The following PCNX1 variants were observed in gnomAD, a reference collection of about 807,000 sequenced individuals.
PCNX1 encodes pecanex 1.
Under a neutral mutation model 242.2 loss-of-function variants are expected in PCNX1, and 78 were observed. That is an observed-to-expected ratio of 0.32 (90% confidence interval 0.27 to 0.39). PCNX1 has a LOEUF of 0.39. Ranked by LOEUF, PCNX1 falls within the 10% of genes least tolerant of loss-of-function variation. The probability of loss-of-function intolerance (pLI) is 1.00; values close to 1 mark genes in which losing one functional copy is unlikely to be tolerated. For synonymous variants in PCNX1, 1,024 were observed against 1,032.9 expected (o/e 0.99, Z 0.17); for missense variants, 2,581 against 2,856.5 (o/e 0.90, Z 2.20).
chr14:70,945,534 C>T (rs2057422224), intron 1 of PCNX1, among the ~76,000 whole-genome samples: 1 of 149,680 alleles, frequency 6.7e-6, no homozygotes. Context: ...TTATGTTTTT[C>T]CATCCTAATT....
At chr14:70,996,037 G>C (rs1049762390) in intron 8 of PCNX1, 112 bp downstream of exon 8, 5 of 792,036 alleles carry the variant, frequency 6.3e-6, no homozygotes, top group Admixed American at 4.1e-5. Flanking sequence ...ATGCATAGGA[G>C]CACTTTTTAC....
At chr14:71,086,634 T>A (rs1172042793) in intron 28 of PCNX1, among the ~76,000 whole-genome samples, 1 of 152,190 alleles carries the variant, frequency 6.6e-6, no homozygotes, top group Non-Finnish European at 1.5e-5. Flanking sequence ...TCCATTCGGA[T>A]GATTCTTTTC....
Position 71,076,438 on chromosome 14 carries a change from A to G in PCNX1, c.5337+19A>G. 6.7e-7 allele frequency: 1 copy of G among 1,485,788 alleles called. No individual in the cohort carries two copies. Among genetic ancestry groups the G allele is most frequent in the Non-Finnish European group, 9.4e-7 (1 of 1,065,712 alleles). The allele number at this position is 1,485,788 out of a possible 1,614,324, so 92.0% of individuals were successfully genotyped here. The stretch of plus-strand genomic sequence containing the variant: ...AGCAAAGGTAGAGTTTATTTCATTT[A>G]TAACTCTTTGAATCCAGGTTTTTCC... On this transcript the variant is annotated intron_variant, in intron 28 of 35. Coordinates refer to ENST00000304743, the MANE Select transcript of PCNX1 (RefSeq NM_014982.3).
Position 70,962,343 on chromosome 14 carries a change from C to T in PCNX1, c.468+12C>T, listed in dbSNP as rs201898482. On this transcript the variant is annotated intron_variant, in intron 3 of 35. Transcript: ENST00000304743. Reference sequence around the variant, plus strand: ...ATCCAAGCAACCAGGTAGGAACCTGCGCTGTTTTATTTTGCCTTTTTCCCT... The same window carrying T: ...ATCCAAGCAACCAGGTAGGAACCTGTGCTGTTTTATTTTGCCTTTTTCCCT... 7.8e-6 allele frequency: 12 copies of T among 1,531,812 alleles called. No individual in the cohort carries two copies. Among genetic ancestry groups the T allele is most frequent in the East Asian group, 6.7e-5 (3 of 44,462 alleles). 94.9% of individuals were successfully genotyped at this position (1,531,812 alleles called of 1,614,324 possible).
chr14:70,929,249 T>TC (rs56857664), intron 1 of PCNX1, among the ~76,000 whole-genome samples: 32 of 151,538 alleles, frequency 2.1e-4, no homozygotes, highest in African/African-American at 4.1e-4. Context: ...TTTTTTTTTT[T>TC]CCCCTCTTAC....
In PCNX1 at chr14:70,978,075, T is replaced by C. The variant is rs1229119014; in HGVS notation, c.1738T>C (p.Tyr580His). 6.2e-7 allele frequency: 1 copy of C among 1,614,126 alleles called. No homozygotes were observed. The highest frequency in any genetic ancestry group is 8.5e-7 in the Non-Finnish European group (1 of 1,180,022). Residue 580 changes from tyrosine (Y) to histidine (H), a missense_variant, in exon 6 of 36, where the codon TAT (tyrosine) becomes CAT (histidine). By Grantham distance (83) the Tyr-to-His change is moderately conservative. This residue lies in a region of PCNX1 where 1,204 missense variants were observed against 1,216.7 expected (regional missense o/e 0.99). Coordinates refer to ENST00000304743, the MANE Select transcript of PCNX1 (RefSeq NM_014982.3). Reference sequence around the variant, plus strand: ...TTTTGATTCAAGCCGGCATAGGGACTATGTTTGCTTTCGAGGTGTTTCTGG... The same window carrying C: ...TTTTGATTCAAGCCGGCATAGGGACCATGTTTGCTTTCGAGGTGTTTCTGG... ...SSFDSSRHRDYVCFRGVSGTK... is the reference protein window; with the variant it reads ...SSFDSSRHRDHVCFRGVSGTK...
intron 22 of PCNX1, among the ~76,000 whole-genome samples, chr14:71,050,031 TG>T (rs2060977663): frequency 6.6e-6 from 1 of 152,236 alleles, no homozygotes; most frequent in Non-Finnish European, 1.5e-5. Flanking sequence ...GTATTACAAA[TG>T]CTGTTTTTCA....
At position 70,914,440 on chromosome 14, in the gene PCNX1, G is replaced by T. The variant is rs74061482; in HGVS notation, c.153+6437G>T. On this transcript the variant is annotated intron_variant, in intron 1 of 35. Coordinates refer to ENST00000304743, the MANE Select transcript of PCNX1 (RefSeq NM_014982.3). ...ATTTATAAAATGTTCTGTCTTTTGTGACGTAAAGGTGGAGTGTTTTCTCCC... is the reference window on the plus strand; with the variant it reads ...ATTTATAAAATGTTCTGTCTTTTGTTACGTAAAGGTGGAGTGTTTTCTCCC... Among the ~76,000 whole-genome samples, 1,320 of 152,260 alleles carry T rather than the reference G, an allele frequency of 8.7e-3. 26 individuals carry two copies. Among genetic ancestry groups the T allele is most frequent in the African/African-American group, 0.03 (1,245 of 41,534 alleles).
At chr14:70,948,136 C>A (rs1414897723) in intron 2 of PCNX1, among the ~76,000 whole-genome samples, 1 of 152,154 alleles carries the variant, frequency 6.6e-6, no homozygotes, top group Non-Finnish European at 1.5e-5. Flanking sequence ...TCTAATTTCG[C>A]CCTGGCATTG....
intron 16 of PCNX1, among the ~76,000 whole-genome samples, chr14:71,029,652 A>G (rs536415169): frequency 6.6e-6 from 1 of 152,348 alleles, no homozygotes; most frequent in African/African-American, 2.4e-5. Context: ...ACAATTTTCC[A>G]GGAAGGTGAT....
rs748904120 is a variant in PCNX1 at position 70,977,579 on chromosome 14, G to A, written c.1242G>A (p.Leu414=). Residue 414 remains leucine (L), a synonymous_variant, in exon 6 of 36, where the codon CTG becomes CTA. Coordinates refer to ENST00000304743, the MANE Select transcript of PCNX1 (RefSeq NM_014982.3). Reference sequence around the variant, plus strand: ...GCTCAACTCACATAGAGAGCATCCTGTCAGAGCATGAGGAGTCTCCTAAAG... The same window carrying A: ...GCTCAACTCACATAGAGAGCATCCTATCAGAGCATGAGGAGTCTCCTAAAG... ...QTSSTHIESI[L]SEHEESPKAG... 6.2e-7 allele frequency: 1 copy of A among 1,614,228 alleles called. No individual in the cohort carries two copies. Among genetic ancestry groups the A allele is most frequent in the Admixed American group, 1.7e-5 (1 of 60,034 alleles).
intron 25 of PCNX1, among the ~76,000 whole-genome samples, chr14:71,056,324 T>A (rs895218846): frequency 1.3e-5 from 2 of 152,202 alleles, no homozygotes; most frequent in Admixed American, 6.5e-5. Flanking sequence ...CATGTTCTGG[T>A]AGAGAAAATA....
intron 1 of PCNX1, among the ~76,000 whole-genome samples, chr14:70,915,314 CCAT>C (rs1447590710): frequency 6.6e-6 from 1 of 152,064 alleles, no homozygotes; most frequent in Non-Finnish European, 1.5e-5. Context: ...CCAAATAAGA[CCAT>C]GTTTTAATTT....
At chr14:71,043,651 T>G (rs1430469130) in intron 19 of PCNX1, among the ~76,000 whole-genome samples, 1 of 152,174 alleles carries the variant, frequency 6.6e-6, no homozygotes, top group Non-Finnish European at 1.5e-5. Flanking sequence ...TGTTGAATTC[T>G]TCGGTTCCAG....
intron 8 of PCNX1, among the ~76,000 whole-genome samples, chr14:70,996,785 A>G (rs553730108): frequency 6.6e-6 from 1 of 152,298 alleles, no homozygotes; most frequent in African/African-American, 2.4e-5. Flanking sequence ...TTACTTATAA[A>G]CATGATAATC....
chr14:71,046,209 CAG>C (rs1346468493), intron 20 of PCNX1, among the ~76,000 whole-genome samples: 1 of 151,946 alleles, frequency 6.6e-6, no homozygotes, highest in East Asian at 1.9e-4. Flanking sequence ...GAAAATAACT[CAG>C]AATGAGATAT....
intron 26 of PCNX1, among the ~76,000 whole-genome samples, chr14:71,060,340 A>G (rs566180070): frequency 1.7e-4 from 26 of 152,356 alleles, no homozygotes; most frequent in African/African-American, 6.0e-4. Flanking sequence ...TTATTATATT[A>G]TGCTATACTT....
intron 33 of PCNX1, among the ~76,000 whole-genome samples, chr14:71,105,820 C>T (rs1040419305): frequency 1.3e-5 from 2 of 151,180 alleles, no homozygotes; most frequent in African/African-American, 2.4e-5. Context: ...GGATTACAGG[C>T]GTGAGCCACC....
intron 16 of PCNX1, chr14:71,031,588 T>C: frequency 3.8e-6 from 2 of 528,818 alleles, no homozygotes; most frequent in Non-Finnish European, 7.0e-6. Flanking sequence ...GGACTCAGTC[T>C]AATCCTGCAC....
Sources: allele counts gnomAD v4.1 joint callset (sites outside exome capture counted in the v4.1 genomes callset), GRCh38; gene constraint gnomAD v4.1.1; regional missense constraint gnomAD v4.1.1; transcripts MANE v1.5; gene names NCBI Gene and HGNC (gene_info 2026-07-23, HGNC 2026-07-21).